TOM1: variants seen among roughly 807,000 people sequenced by gnomAD.
TOM1 encodes target of Myb protein 1.
TOM1 carries 38 observed loss-of-function variants against 61.3 expected under a neutral mutation model. The observed-to-expected ratio is 0.62, with a 90% CI of 0.48 to 0.81. The LOEUF (loss-of-function observed/expected upper bound fraction) is 0.81. TOM1 is among the 40% of genes least tolerant of loss of function. The probability of loss-of-function intolerance (pLI) is 0.00; values close to 1 mark genes in which losing one functional copy is unlikely to be tolerated. For synonymous variants in TOM1, 270 were observed against 268.8 expected, an observed-to-expected ratio of 1.00 and a Z score of -0.04; for missense variants, 591 against 659.6, an observed-to-expected ratio of 0.90 and a Z score of 1.14.
chr22:35,347,262 G>C lies in TOM1; in HGVS notation c.*53G>C. 7 of 1,518,348 alleles carry C rather than the reference G, an allele frequency of 4.6e-6. No homozygotes were observed. In the South Asian group the frequency reaches 9.0e-5, roughly 20 times the overall value. 94.1% of individuals were successfully genotyped at this position (1,518,348 alleles called of 1,614,324 possible). ...GGTCCCCACTGCTCTCACACCCTTAGGCTGGGACCTCCCTCCCTCCTCTGG... is the reference window on the plus strand; with the variant it reads ...GGTCCCCACTGCTCTCACACCCTTACGCTGGGACCTCCCTCCCTCCTCTGG... On this transcript the variant is annotated 3_prime_UTR_variant, in exon 15 of 15. Transcript: ENST00000449058.
intron 8 of TOM1, among the ~76,000 whole-genome samples, chr22:35,331,093 C>CTT (rs773623729): frequency 0.042 from 5,318 of 127,070 alleles, 207 homozygotes; most frequent in Non-Finnish European, 0.068. Context: ...ACCTGTCCAC[C>CTT]TTTTTTTTTT....
chr22:35,304,840 AC>A (rs1926178348), intron 1 of TOM1, among the ~76,000 whole-genome samples: 1 of 152,166 alleles, frequency 6.6e-6, no homozygotes, highest in Non-Finnish European at 1.5e-5. Context: ...CTGTCAGCTT[AC>A]CCCTAAGCAC....
At chr22:35,299,333 C>T (rs1243183992), upstream of TOM1, 2 of 152,402 alleles carry the variant, frequency 1.3e-5, no homozygotes, top group African/African-American at 2.4e-5. Context: ...AATTGCCTCT[C>T]AGTCTCAACA....
chr22:35,334,058 C>G (rs1158964602), intron 10 of TOM1, among the ~76,000 whole-genome samples: 1 of 152,242 alleles, frequency 6.6e-6, no homozygotes, highest in Non-Finnish European at 1.5e-5. Context: ...CCTGCCCAGC[C>G]ACTTCCCCAG....
intron 1 of TOM1, among the ~76,000 whole-genome samples, chr22:35,316,699 G>T (rs1352402877): frequency 1.3e-5 from 2 of 152,308 alleles, no homozygotes; most frequent in South Asian, 4.1e-4. Flanking sequence ...GGTGGTGGTG[G>T]TTGTATTCAG....
In TOM1 at chr22:35,303,823, A is replaced by G. The variant is rs76293598; in HGVS notation, c.52+3843A>G. Among the ~76,000 whole-genome samples the G allele has an allele frequency of 1.9e-3, 295 of 152,080 alleles. 2 individuals are homozygous for G. The highest frequency in any genetic ancestry group is 6.9e-3 in the African/African-American group (288 of 41,446). ...TATTTTTATTATTTCTACCCTCATTATACTAATATGCCACCGTCCCACTCT... is the reference window on the plus strand; with the variant it reads ...TATTTTTATTATTTCTACCCTCATTGTACTAATATGCCACCGTCCCACTCT... On this transcript the variant is annotated intron_variant, in intron 1 of 14. Transcript: ENST00000449058.
chr22:35,333,484 G>A lies in TOM1; in HGVS notation c.1014G>A (p.Gln338=). ...CAGCCACCGGCAACCTCTCATCCCA[G>A]CTGGCAGGAATGAGTAAGTGTGGTT... ...DPAATGNLSS[Q]LAGMNLGSSS... The change falls in exon 10 of 15, where the codon CAG becomes CAA. Residue 338 remains glutamine (Q), a synonymous_variant. Coordinates refer to ENST00000449058, the MANE Select transcript of TOM1 (RefSeq NM_005488.3). The A allele has an allele frequency of 1.9e-6, 3 of 1,614,170 alleles. No individual in the cohort carries two copies. Among genetic ancestry groups the A allele is most frequent in the Non-Finnish European group, 2.5e-6 (3 of 1,180,016 alleles).
rs796165362 is a variant in TOM1 at position 35,336,256 on chromosome 22, C to CT, written c.1148+1808_1148+1809insT. 6.1e-4 allele frequency among the ~76,000 whole-genome samples: 93 copies of CT among 152,284 alleles called. 1 individual carries two copies. Among genetic ancestry groups the CT allele is most frequent in the African/African-American group, 2.1e-3 (88 of 41,572 alleles). ...CAGGCGTGGACCTGAGCATCCATTT[C>CT]GTCTTCCCTTTGTTCTCCTGCCTGG... is the stretch of plus-strand genomic sequence containing the variant. On this transcript the variant is annotated intron_variant, in intron 11 of 14. Coordinates refer to ENST00000449058, the MANE Select transcript of TOM1 (RefSeq NM_005488.3).
intron 10 of TOM1, 39 bp from the exon 11 acceptor site, chr22:35,334,289 T>G: frequency 6.3e-7 from 1 of 1,591,182 alleles, no homozygotes; most frequent in Non-Finnish European, 8.6e-7. Flanking sequence ...CACACAAGCT[T>G]GTGGATGGGT....
At chr22:35,302,282 G>A (rs1925868074) in intron 1 of TOM1, among the ~76,000 whole-genome samples, 1 of 151,562 alleles carries the variant, frequency 6.6e-6, no homozygotes, top group Admixed American at 6.6e-5. Flanking sequence ...GTCTGCGGTG[G>A]GACTCTAGAA....
intron 12 of TOM1, among the ~76,000 whole-genome samples, chr22:35,342,966 C>CA: frequency 2.6e-5 from 1 of 38,636 alleles, no homozygotes; most frequent in Non-Finnish European, 4.5e-5. Flanking sequence ...CCTACACACA[C>CA]CACACCTACA....
chr22:35,318,028 C>T lies in TOM1; in HGVS notation c.137+67C>T, dbSNP rs1927460204. On this transcript the variant is annotated intron_variant, in intron 2 of 14. Coordinates refer to ENST00000449058, the MANE Select transcript of TOM1 (RefSeq NM_005488.3). ...TCCCACCACGCAGCACACTCCTGCA[C>T]CCTTCCAGGGAGCCCCTGCCCCAGC... The T allele has an allele frequency of 2.9e-6, 4 of 1,385,168 alleles. No homozygotes were observed. The South Asian group carries it at 4.6e-5, about 16-fold the overall frequency. 85.8% of individuals were successfully genotyped at this position (1,385,168 alleles called of 1,614,324 possible). A position where few individuals can be genotyped will look rare whatever the true frequency, so the allele number is the denominator to read the frequency against.
At chr22:35,299,714 C>T (rs1925532242), upstream of TOM1, 1 of 582,196 alleles carries the variant, frequency 1.7e-6, no homozygotes, top group Non-Finnish European at 3.0e-6. Context: ...TGTGTGACGC[C>T]CGCCGCCGCC....
chr22:35,324,166 T>G (rs1024618075), intron 6 of TOM1, among the ~76,000 whole-genome samples: 2 of 152,228 alleles, frequency 1.3e-5, no homozygotes, highest in Non-Finnish European at 2.9e-5. Context: ...GGCACTGCCC[T>G]GTACCTTGGC....
rs945101163 is a variant in TOM1, at chr22:35,312,843, C to T, written c.53-5034C>T. 3.3e-5 allele frequency among the ~76,000 whole-genome samples: 5 copies of T among 152,302 alleles called. No homozygotes were observed. In the East Asian group the frequency reaches 9.6e-4, roughly 29 times the overall value. On this transcript the variant is annotated intron_variant, in intron 1 of 14. Transcript: ENST00000449058. Reference sequence around the variant, plus strand: ...CCCTGGAGAGTTCAGGCTTTTGATCCTCAGGCAGTGAGGGTGATGGACAAT... The same window carrying T: ...CCCTGGAGAGTTCAGGCTTTTGATCTTCAGGCAGTGAGGGTGATGGACAAT...
At chr22:35,326,934 T>A (rs2145672542) in intron 6 of TOM1, among the ~76,000 whole-genome samples, 1 of 152,250 alleles carries the variant, frequency 6.6e-6, no homozygotes, top group East Asian at 1.9e-4. Context: ...GCAGCGTCCC[T>A]CCCCGCCTTG....
chr22:35,322,579 G>A (rs1464346088), intron 3 of TOM1: 2 of 193,440 alleles, frequency 1.0e-5, no homozygotes, highest in Non-Finnish European at 2.1e-5. Context: ...ATATCCAGGT[G>A]AATTGGCTTA....
intron 1 of TOM1, among the ~76,000 whole-genome samples, chr22:35,304,539 C>CG (rs1309270214): frequency 8.5e-5 from 13 of 152,078 alleles, no homozygotes; most frequent in African/African-American, 2.9e-4. Flanking sequence ...AGTGCAGTGG[C>CG]GCGATCTCGG....
chr22:35,299,369 C>G (rs935643417), upstream of TOM1: 2 of 152,750 alleles, frequency 1.3e-5, no homozygotes, highest in Non-Finnish European at 1.5e-5. Flanking sequence ...GCCCTTGCCT[C>G]TGATTTAAGG....
Sources: gnomAD v4.1 joint callset for allele counts (sites outside exome capture counted in the v4.1 genomes callset) on GRCh38, gnomAD v4.1.1 for gene constraint, MANE v1.5 for transcripts, NCBI Gene and HGNC (gene_info 2026-07-23, HGNC 2026-07-21) for gene names.